The following AGK variants were observed in gnomAD, a reference collection of about 807,000 sequenced individuals.
The protein encoded by AGK is acylglycerol kinase, mitochondrial.
A neutral mutation model predicts 66.4 loss-of-function variants in AGK; 52 were observed. The ratio of observed to expected loss-of-function variants is 0.78; its 90% CI spans 0.63 to 0.99. The LOEUF (loss-of-function observed/expected upper bound fraction) is 0.99. Ranked by LOEUF, AGK falls within the 50% of genes least tolerant of loss-of-function variation. AGK has a pLI of 0.00. For synonymous variants in AGK, 182 were observed against 181.1 expected (o/e 1.00, Z -0.04); for missense variants, 451 against 506.6 (o/e 0.89, Z 1.05).
At chr7:141,611,323 G>A in intron 6 of AGK, 36 bp downstream of exon 6, 3 of 1,499,426 alleles carry the variant, frequency 2.0e-6, no homozygotes, top group Non-Finnish European at 2.7e-6. Context: ...TATTTTGAAG[G>A]TGAGAAAAAT....
At chr7:141,605,007 A>T (rs1796426983) in intron 5 of AGK, among the ~76,000 whole-genome samples, 1 of 150,904 alleles carries the variant, frequency 6.6e-6, no homozygotes, top group Non-Finnish European at 1.5e-5. Flanking sequence ...GGGTTTATCT[A>T]CTGTTTTGTT....
At chr7:141,560,559 C>T (rs538367071) in intron 2 of AGK, among the ~76,000 whole-genome samples, 2 of 152,022 alleles carry the variant, frequency 1.3e-5, no homozygotes, top group African/African-American at 2.4e-5. Flanking sequence ...TTGGTGCACC[C>T]GTTACCCGAG....
intron 2 of AGK, among the ~76,000 whole-genome samples, chr7:141,571,108 T>C (rs1451708965): frequency 2.0e-5 from 3 of 152,256 alleles, no homozygotes; most frequent in Admixed American, 2.0e-4. Context: ...ATAACTTTTT[T>C]GCATTCATTT....
At chr7:141,573,644 A>G (rs1463359564) in intron 2 of AGK, among the ~76,000 whole-genome samples, 1 of 152,210 alleles carries the variant, frequency 6.6e-6, no homozygotes, top group African/African-American at 2.4e-5. Flanking sequence ...ATGTGTTTAT[A>G]GGCCGGAAGT....
At chr7:141,589,797 T>A (rs1443135169) in intron 2 of AGK, among the ~76,000 whole-genome samples, 1 of 152,186 alleles carries the variant, frequency 6.6e-6, no homozygotes, top group Non-Finnish European at 1.5e-5. Flanking sequence ...CGACCTCAGG[T>A]GATCCGCCCA....
At chr7:141,634,559 G>A (rs537304055) in intron 10 of AGK, among the ~76,000 whole-genome samples, 2 of 152,288 alleles carry the variant, frequency 1.3e-5, no homozygotes, top group South Asian at 4.1e-4. Flanking sequence ...TATTTTTGGA[G>A]AATCCATTGT....
chr7:141,631,939 A>C (rs1214292514), intron 9 of AGK, among the ~76,000 whole-genome samples: 1 of 152,106 alleles, frequency 6.6e-6, no homozygotes. Context: ...CCTTATATTA[A>C]TAAGCAATCC....
intron 2 of AGK, among the ~76,000 whole-genome samples, chr7:141,564,523 T>TA (rs1016396357): frequency 1.3e-5 from 2 of 152,166 alleles, no homozygotes; most frequent in Admixed American, 6.5e-5. Context: ...ATGATTCAGT[T>TA]ACCTTCCATT....
In AGK at chr7:141,647,859, C is replaced by T. The variant is rs574474564; in HGVS notation, c.976-1404C>T. 4.7e-4 allele frequency among the ~76,000 whole-genome samples: 72 copies of T among 152,238 alleles called. 1 individual carries two copies. The highest frequency in any genetic ancestry group is 1.5e-3 in the African/African-American group (63 of 41,542). On this transcript the variant is annotated intron_variant, in intron 13 of 15. Coordinates refer to ENST00000649286, the MANE Select transcript of AGK (RefSeq NM_018238.4). ...CTAGTATTTGTACTTTTAGTAGAGA[C>T]GGGGTTTCACCACGTTGGCCGGGCT...
intron 2 of AGK, among the ~76,000 whole-genome samples, chr7:141,590,793 T>C (rs1796097361): frequency 6.6e-6 from 1 of 152,128 alleles, no homozygotes; most frequent in African/African-American, 2.4e-5. Context: ...AGCATTTGAT[T>C]GGGAGGGACG....
intron 2 of AGK, among the ~76,000 whole-genome samples, chr7:141,565,677 C>T (rs1045589646): frequency 6.6e-5 from 10 of 152,044 alleles, no homozygotes; most frequent in Non-Finnish European, 1.3e-4. Context: ...ATTTAAGCAT[C>T]ATCCTTTATC....
At chr7:141,575,031 A>G (rs1379112632) in intron 2 of AGK, among the ~76,000 whole-genome samples, 1 of 152,248 alleles carries the variant, frequency 6.6e-6, no homozygotes, top group Non-Finnish European at 1.5e-5. Flanking sequence ...AAGTGGGGTT[A>G]GGTTTAGCTG....
chr7:141,581,440 A>G (rs2116898243), intron 2 of AGK, among the ~76,000 whole-genome samples: 1 of 152,076 alleles, frequency 6.6e-6, no homozygotes, highest in African/African-American at 2.4e-5. Flanking sequence ...CTAACCTATA[A>G]TGCTTGTCTG....
At chr7:141,644,519 C>T (rs1002786750) in intron 13 of AGK, among the ~76,000 whole-genome samples, 1 of 152,148 alleles carries the variant, frequency 6.6e-6, no homozygotes, top group East Asian at 1.9e-4. Flanking sequence ...ATGAAAGAAG[C>T]TGTAGGAGTA....
intron 10 of AGK, 50 bp downstream of exon 10, chr7:141,634,030 C>A: frequency 6.8e-7 from 1 of 1,468,884 alleles, no homozygotes; most frequent in Non-Finnish European, 9.5e-7. Context: ...AAATCTTATT[C>A]TGTCCCTGCC....
chr7:141,621,751 C>T lies in AGK; in HGVS notation c.538C>T (p.Leu180Phe). 6.2e-7 allele frequency: 1 copy of T among 1,613,380 alleles called. No homozygotes were observed. Among genetic ancestry groups the T allele is most frequent in the Non-Finnish European group, 8.5e-7 (1 of 1,179,548 alleles). Residue 180 changes from leucine (L) to phenylalanine (F), a missense_variant, in exon 9 of 16, where the codon CTT becomes TTT. Transcript: ENST00000649286. The part of the protein sequence containing the change: ...NKVQHITDAT[L>F]AIVKGETVPL... ...TTTTAGACATATTACTGATGCCACACTTGCCATTGTGAAAGGAGAGACAGT... is the reference window on the plus strand; with the variant it reads ...TTTTAGACATATTACTGATGCCACATTTGCCATTGTGAAAGGAGAGACAGT...
intron 1 of AGK, among the ~76,000 whole-genome samples, chr7:141,553,313 T>C (rs968299598): frequency 6.6e-6 from 1 of 152,176 alleles, no homozygotes; most frequent in Non-Finnish European, 1.5e-5. Flanking sequence ...CACATCACCA[T>C]TTTTGGGGAA....
intron 5 of AGK, among the ~76,000 whole-genome samples, chr7:141,602,173 TTGTGTGTGTGTGTG>T (rs71172608): frequency 3.0e-4 from 37 of 125,314 alleles, no homozygotes; most frequent in Non-Finnish European, 2.6e-4. Flanking sequence ...GGAGATTTTC[TTGTGTGTGTGTGTG>T]TGTGTGTGTG....
rs773018226 is a variant in AGK at position 141,633,965 on chromosome 7, G to T, written c.653G>T (p.Gly218Val). The T allele has an allele frequency of 6.2e-7, 1 of 1,613,728 alleles. No individual in the cohort carries two copies. The highest frequency in any genetic ancestry group is 2.2e-5 in the East Asian group (1 of 44,894). The change falls in exon 10 of 16, where the codon GGC (glycine) becomes GTC (valine). Residue 218 changes from glycine to valine, a missense_variant. By Grantham distance (109) the Gly-to-Val change is moderately radical (BLOSUM62 -3). Coordinates refer to ENST00000649286, the MANE Select transcript of AGK (RefSeq NM_018238.4). ...CGATGGGGATCTTTCAGAGATGCTG[G>T]CGTCAAAGTTAGCAAGTAAAGGATT... ...GLRWGSFRDA[G>V]VKVSKYWYLG... is the part of the protein sequence containing the mutation.
Sources: gnomAD v4.1 joint callset for allele counts (sites outside exome capture counted in the v4.1 genomes callset) on GRCh38, gnomAD v4.1.1 for gene constraint, MANE v1.5 for transcripts, NCBI Gene and HGNC (gene_info 2026-07-23, HGNC 2026-07-21) for gene names.